Variants in ABTB3 observed in about 807,000 individuals in gnomAD.
The protein encoded by ABTB3 is ankyrin repeat- and BTB/POZ domain-containing protein 3.
chr12:107,341,980 G>A, the ABTB3 span, among the ~76,000 whole-genome samples: 3 of 152,128 alleles, frequency 2.0e-5, no homozygotes, highest in African/African-American at 7.2e-5. Context: ...CCAACATCAC[G>A]CTTCCTCTAC....
chr12:107,324,159 A>G, the ABTB3 span, among the ~76,000 whole-genome samples: 13 of 152,234 alleles, frequency 8.5e-5, no homozygotes, highest in South Asian at 2.7e-3. Flanking sequence ...GATAGTTGTG[A>G]TAATCCAGGC....
the ABTB3 span, among the ~76,000 whole-genome samples, chr12:107,492,581 A>G: frequency 6.6e-6 from 1 of 152,068 alleles, no homozygotes; most frequent in African/African-American, 2.4e-5. Flanking sequence ...CCACACCCCC[A>G]GTCCCTCCCA....
the ABTB3 span, among the ~76,000 whole-genome samples, chr12:107,337,597 G>C: frequency 6.6e-6 from 1 of 152,224 alleles, no homozygotes; most frequent in Non-Finnish European, 1.5e-5. Flanking sequence ...ACTCAGAGAG[G>C]CTAACAGATA....
At chr12:107,469,990 T>TCTCTC in the ABTB3 span, among the ~76,000 whole-genome samples, 1 of 65,014 alleles carries the variant, frequency 1.5e-5, no homozygotes, top group African/African-American at 1.1e-4. Context: ...CTTTCTTTCT[T>TCTCTC]TCTTTCTTTC....
chr12:107,329,577 C>G, the ABTB3 span, among the ~76,000 whole-genome samples: 6 of 152,178 alleles, frequency 3.9e-5, no homozygotes, highest in South Asian at 2.1e-4. Flanking sequence ...GACTGAAAAG[C>G]CTTCTATAGT....
the ABTB3 span, among the ~76,000 whole-genome samples, chr12:107,530,655 T>G: frequency 1.3e-5 from 2 of 152,264 alleles, no homozygotes; most frequent in Non-Finnish European, 2.9e-5. Flanking sequence ...CTTTTTTTGG[T>G]ATTGCAGTTC....
chr12:107,520,310 A>T, the ABTB3 span: 1 of 978,758 alleles, frequency 1.0e-6, no homozygotes, highest in Non-Finnish European at 1.2e-6. Context: ...GACCTTTGCA[A>T]ATAGCTGGGC....
chr12:107,342,437 C>A, the ABTB3 span, among the ~76,000 whole-genome samples: 1 of 152,038 alleles, frequency 6.6e-6, no homozygotes. Flanking sequence ...ACTGTTATCC[C>A]ATCTCCCACA....
the ABTB3 span, among the ~76,000 whole-genome samples, chr12:107,379,847 G>A: frequency 2.2e-3 from 333 of 152,264 alleles, 4 homozygotes; most frequent in African/African-American, 7.7e-3. Flanking sequence ...TTTGAATCTC[G>A]GCTCCACTCC....
the ABTB3 span, among the ~76,000 whole-genome samples, chr12:107,414,914 A>G: frequency 6.6e-6 from 1 of 151,840 alleles, no homozygotes; most frequent in African/African-American, 2.4e-5. Flanking sequence ...GGATTTCACC[A>G]TGTTGGCCAG....
the ABTB3 span, among the ~76,000 whole-genome samples, chr12:107,343,088 C>T: frequency 2.2e-3 from 340 of 152,272 alleles, 1 homozygote; most frequent in African/African-American, 2.6e-3. Context: ...GATCATGGCT[C>T]ACTGCAGCCT....
chr12:107,471,653 C>A, the ABTB3 span, among the ~76,000 whole-genome samples: 15 of 152,234 alleles, frequency 9.9e-5, no homozygotes, highest in African/African-American at 2.6e-4. Flanking sequence ...TACAAAATGA[C>A]CCTGGCATCC....
the ABTB3 span, among the ~76,000 whole-genome samples, chr12:107,343,829 G>T: frequency 3.3e-5 from 5 of 152,246 alleles, no homozygotes; most frequent in Admixed American, 2.0e-4. Flanking sequence ...GCAGGAAAAA[G>T]TGCCACTTTT....
chr12:107,388,641 C>T, the ABTB3 span, among the ~76,000 whole-genome samples: 5 of 152,130 alleles, frequency 3.3e-5, no homozygotes, highest in East Asian at 9.7e-4. Flanking sequence ...AGGTCTGGGC[C>T]AGCCATCCTG....
the ABTB3 span, among the ~76,000 whole-genome samples, chr12:107,517,956 A>G: frequency 6.6e-6 from 1 of 152,262 alleles, no homozygotes; most frequent in Admixed American, 6.5e-5. Flanking sequence ...TGGGCAAAGG[A>G]TATGAACAGA....
chr12:107,396,183 A>G, the ABTB3 span, among the ~76,000 whole-genome samples: 2 of 152,166 alleles, frequency 1.3e-5, no homozygotes, highest in African/African-American at 4.8e-5. Flanking sequence ...GCCTCTCCAC[A>G]TTGTCCTCTG....
At chr12:107,493,018 G>A in the ABTB3 span, among the ~76,000 whole-genome samples, 2 of 151,432 alleles carry the variant, frequency 1.3e-5, no homozygotes, top group South Asian at 2.1e-4. Context: ...AAAACAGGAA[G>A]CACATTAACC....
At chr12:107,402,155 C>A in the ABTB3 span, among the ~76,000 whole-genome samples, 3 of 152,198 alleles carry the variant, frequency 2.0e-5, no homozygotes, top group Non-Finnish European at 4.4e-5. Context: ...AAAGTGGACT[C>A]TTAGTAGTAG....
At chr12:107,462,616 T>C in the ABTB3 span, among the ~76,000 whole-genome samples, 15 of 152,056 alleles carry the variant, frequency 9.9e-5, no homozygotes, top group East Asian at 2.5e-3. Context: ...GTTATGATGA[T>C]GGTGATGATG....
Sources: gnomAD v4.1 joint callset for allele counts (sites outside exome capture counted in the v4.1 genomes callset) on GRCh38, gnomAD v4.1.1 for gene constraint, MANE v1.5 for transcripts, NCBI Gene and HGNC (gene_info 2026-07-23, HGNC 2026-07-21) for gene names.